LHFPL3: variants seen among roughly 807,000 people sequenced by gnomAD.
LHFPL3 encodes LHFPL tetraspan subfamily member 3.
In LHFPL3, 5 loss-of-function variants were observed where a neutral mutation model predicts 19.3. The observed-to-expected ratio is 0.26, with a 90% CI of 0.14 to 0.54. The LOEUF is 0.54. Among genes scored for constraint, LHFPL3 ranks in the 20% least tolerant of loss-of-function variants. The pLI is 0.94. For synonymous variants in LHFPL3, 133 were observed against 126.2 expected, an observed-to-expected ratio of 1.05 and a Z score of -0.36; for missense variants, 249 against 307.4, an observed-to-expected ratio of 0.81 and a Z score of 1.42.
intron 1 of LHFPL3, among the ~76,000 whole-genome samples, chr7:104,704,934 C>G (rs1050889949): frequency 6.6e-6 from 1 of 152,222 alleles, no homozygotes; most frequent in Non-Finnish European, 1.5e-5. Flanking sequence ...TTGCACTGAG[C>G]TCACTAGCCA....
intron 1 of LHFPL3, among the ~76,000 whole-genome samples, chr7:104,585,156 A>C (rs1439499107): frequency 2.0e-5 from 3 of 151,312 alleles, no homozygotes; most frequent in East Asian, 1.9e-4. Flanking sequence ...TCCTCCTCCT[A>C]CTGTCTGCCC....
chr7:104,788,797 C>A (rs977450722), intron 2 of LHFPL3, among the ~76,000 whole-genome samples: 35 of 152,224 alleles, frequency 2.3e-4, no homozygotes, highest in South Asian at 2.1e-4. Context: ...CTGGTCACTT[C>A]TTCAGTCTTT....
chr7:104,608,100 G>C (rs1472337952), intron 1 of LHFPL3, among the ~76,000 whole-genome samples: 1 of 152,102 alleles, frequency 6.6e-6, no homozygotes, highest in Non-Finnish European at 1.5e-5. Context: ...ATTCCTCAGG[G>C]ATCTAGAACT....
chr7:104,362,518 T>A (rs1790405549), intron 1 of LHFPL3, among the ~76,000 whole-genome samples: 1 of 152,164 alleles, frequency 6.6e-6, no homozygotes, highest in Non-Finnish European at 1.5e-5. Flanking sequence ...AGTCACTTAG[T>A]AAGTGTTAGG....
intron 2 of LHFPL3, among the ~76,000 whole-genome samples, chr7:104,897,698 A>T (rs1562829397): frequency 6.6e-6 from 1 of 152,254 alleles, no homozygotes; most frequent in Non-Finnish European, 1.5e-5. Flanking sequence ...TAATCTACTT[A>T]TTAAACACAC....
At chr7:104,800,455 C>T (rs1790221748) in intron 2 of LHFPL3, among the ~76,000 whole-genome samples, 3 of 152,192 alleles carry the variant, frequency 2.0e-5, no homozygotes, top group South Asian at 4.1e-4. Flanking sequence ...CCACTTTCCT[C>T]TTCCTACGTG....
chr7:104,861,640 C>G (rs1019075120), intron 2 of LHFPL3, among the ~76,000 whole-genome samples: 1 of 152,052 alleles, frequency 6.6e-6, no homozygotes, highest in Non-Finnish European at 1.5e-5. Context: ...GTGGCCTTCT[C>G]TAAAAAAACG....
At chr7:104,497,621 C>A (rs576901495) in intron 1 of LHFPL3, among the ~76,000 whole-genome samples, 42 of 139,574 alleles carry the variant, frequency 3.0e-4, no homozygotes, top group African/African-American at 1.1e-3. Context: ...CCTGCACACA[C>A]CAATTAAAAA....
intron 2 of LHFPL3, among the ~76,000 whole-genome samples, chr7:104,885,859 A>G (rs999350662): frequency 5.3e-5 from 8 of 151,810 alleles, no homozygotes; most frequent in African/African-American, 1.9e-4. Context: ...AGAGTCCTAT[A>G]TTGCCCGGTT....
intron 1 of LHFPL3, among the ~76,000 whole-genome samples, chr7:104,620,527 C>T (rs1351152536): frequency 6.6e-6 from 1 of 152,220 alleles, no homozygotes; most frequent in Non-Finnish European, 1.5e-5. Context: ...CATATATCAA[C>T]ATCTATTTCA....
chr7:104,638,395 T>C (rs1330709215), intron 1 of LHFPL3, among the ~76,000 whole-genome samples: 2 of 152,184 alleles, frequency 1.3e-5, no homozygotes, highest in African/African-American at 4.8e-5. Flanking sequence ...TCCTCTTGCC[T>C]GATTGCTCTG....
intron 1 of LHFPL3, among the ~76,000 whole-genome samples, chr7:104,427,700 C>T (rs2116548450): frequency 6.6e-6 from 1 of 152,332 alleles, no homozygotes; most frequent in Non-Finnish European, 1.5e-5. Context: ...TGTACTCTCT[C>T]TCCATTTGGG....
At chr7:104,869,093 T>C (rs1791784941) in intron 2 of LHFPL3, among the ~76,000 whole-genome samples, 1 of 152,184 alleles carries the variant, frequency 6.6e-6, no homozygotes, top group African/African-American at 2.4e-5. Flanking sequence ...GATTAAAGAC[T>C]TAAATGTTAG....
chr7:104,755,610 A>T (rs1440388477), intron 2 of LHFPL3, among the ~76,000 whole-genome samples: 1 of 151,924 alleles, frequency 6.6e-6, no homozygotes, highest in Admixed American at 6.6e-5. Flanking sequence ...ACAGAGAGAA[A>T]CACCCACATA....
At chr7:104,756,155 C>T (rs1478731506) in intron 2 of LHFPL3, among the ~76,000 whole-genome samples, 1 of 152,126 alleles carries the variant, frequency 6.6e-6, no homozygotes, top group Non-Finnish European at 1.5e-5. Flanking sequence ...CATGCGTGCA[C>T]ACACTCACAC....
chr7:104,581,710 T>A (rs1272680224), intron 1 of LHFPL3, among the ~76,000 whole-genome samples: 1 of 152,058 alleles, frequency 6.6e-6, no homozygotes, highest in Non-Finnish European at 1.5e-5. Flanking sequence ...ATAGATATCC[T>A]GTCATTCTAG....
At chr7:104,571,704 T>C (rs192640867) in intron 1 of LHFPL3, among the ~76,000 whole-genome samples, 12 of 152,314 alleles carry the variant, frequency 7.9e-5, no homozygotes, top group Admixed American at 7.2e-4. Context: ...TCACACATAT[T>C]TCATTCCTTT....
chr7:104,663,447 C>T (rs1792269406), intron 1 of LHFPL3, among the ~76,000 whole-genome samples: 1 of 152,158 alleles, frequency 6.6e-6, no homozygotes, highest in Non-Finnish European at 1.5e-5. Context: ...GCTGGCATTC[C>T]CCAGCTTCAG....
At chr7:104,549,737 T>C (rs1021079057) in intron 1 of LHFPL3, among the ~76,000 whole-genome samples, 4 of 152,184 alleles carry the variant, frequency 2.6e-5, no homozygotes, top group African/African-American at 9.6e-5. Context: ...CTGGGGACCT[T>C]GCTTATTTAT....
Sources: allele counts gnomAD v4.1 joint callset (sites outside exome capture counted in the v4.1 genomes callset), GRCh38; gene constraint gnomAD v4.1.1; transcripts MANE v1.5; gene names NCBI Gene and HGNC (gene_info 2026-07-23, HGNC 2026-07-21).